ANKUB1: variants seen among roughly 807,000 people sequenced by gnomAD.
ANKUB1 encodes the protein ankyrin repeat and ubiquitin domain containing 1.
ANKUB1 carries 42 observed loss-of-function variants against 49.3 expected under a neutral mutation model. The observed-to-expected ratio is 0.85, with a 90% CI of 0.67 to 1.10. The LOEUF is 1.10. Among genes scored for constraint, ANKUB1 ranks in the 50% least tolerant of loss-of-function variants. ANKUB1 has a pLI of 0.00. For missense variants in ANKUB1, 613 were observed against 642.0 expected, an observed-to-expected ratio of 0.95 and a Z score of 0.49; for synonymous variants, 222 against 231.0, an observed-to-expected ratio of 0.96 and a Z score of 0.35.
rs1373469267 is a variant in ANKUB1 at position 149,770,582 on chromosome 3, A to T, written c.544T>A (p.Ser182Thr). The stretch of plus-strand genomic sequence containing the variant: ...TACTTGAGTACTGGTCCTTCTTTTG[A>T]TAAGTAGCGTTGGACTTTAAGTTTT... ...GQKLKVQRYL[S>T]KEGPVLKYQK... The change falls in exon 4 of 6, where the codon TCA becomes ACA. Residue 182 changes from serine (S) to threonine (T), a missense_variant. Ser to Thr is a moderately conservative substitution (Grantham distance 58). Coordinates refer to ENST00000446160, the MANE Select transcript of ANKUB1 (RefSeq NM_001144960.3). 6.5e-7 allele frequency: 1 copy of T among 1,548,862 alleles called. No individual in the cohort carries two copies. Among genetic ancestry groups the T allele is most frequent in the East Asian group, 2.4e-5 (1 of 40,878 alleles).
rs568944479 is a variant in ANKUB1 at position 149,787,713 on chromosome 3, G to A, written c.234+3068C>T. 4.7e-4 allele frequency among the ~76,000 whole-genome samples: 72 copies of A among 152,094 alleles called. 1 individual carries two copies. The South Asian group carries it at 5.4e-3, about 11-fold the overall frequency. On this transcript the variant is annotated intron_variant, in intron 2 of 5. Transcript: ENST00000446160. Reference sequence around the variant, plus strand: ...TCTATATTACCATTAAAAGAAAAGCGTAATATACAGGGAAGCTGGAAAAAG... The same window carrying A: ...TCTATATTACCATTAAAAGAAAAGCATAATATACAGGGAAGCTGGAAAAAG...
chr3:149,766,820 C>T lies in ANKUB1; in HGVS notation c.1505+337G>A, dbSNP rs1185279773. ...CTCAAACAAAAAGAAAAAAGAAAAG[C>T]AGCAGCAGCAGCAGCAGCAGCAGCA... On this transcript the variant is annotated intron_variant, in intron 5 of 5. Coordinates refer to ENST00000446160, the MANE Select transcript of ANKUB1 (RefSeq NM_001144960.3). 1.5e-5 allele frequency: 6 copies of T among 409,900 alleles called. 1 individual carries two copies. The highest frequency in any genetic ancestry group is 2.1e-5 in the Non-Finnish European group (6 of 292,068). The allele number at this position is 409,900 out of a possible 1,614,324, so 25.4% of individuals were successfully genotyped here. A position where few individuals can be genotyped will look rare whatever the true frequency, so the allele number is the denominator to read the frequency against.
rs1324142611 is a variant in ANKUB1 at position 149,792,310 on chromosome 3, A to C, written c.57T>G (p.Asp19Glu). ...GSFEPFDVSA[D>E]ETVEVVKLMI... ...TCAGCTTGACAACCTCCACAGTTTCATCTGCTGAAACATCAAACGGTTCAA... is the reference window on the plus strand; with the variant it reads ...TCAGCTTGACAACCTCCACAGTTTCCTCTGCTGAAACATCAAACGGTTCAA... The change falls in exon 1 of 6, where the codon GAT becomes GAG. Residue 19 changes from aspartate (D) to glutamate (E), a missense_variant. Transcript: ENST00000446160. 6.5e-7 allele frequency: 1 copy of C among 1,534,336 alleles called. No individual in the cohort carries two copies. Among genetic ancestry groups the C allele is most frequent in the Admixed American group, 2.1e-5 (1 of 48,762 alleles).
intron 1 of ANKUB1, among the ~76,000 whole-genome samples, chr3:149,791,729 G>A (rs1718368314): frequency 1.3e-5 from 2 of 152,132 alleles, no homozygotes; most frequent in Admixed American, 1.3e-4. Flanking sequence ...AATTTATAAG[G>A]AAGATACTAT....
In ANKUB1 at chr3:149,792,344, T is replaced by C. The variant is rs1256811398; in HGVS notation, c.23A>G (p.Glu8Gly). The change falls in exon 1 of 6, where the codon GAA (glutamate) becomes GGA (glycine). Residue 8 changes from glutamate to glycine, a missense_variant. Glu to Gly is a moderately conservative substitution (Grantham distance 98). Transcript: ENST00000446160. ...AACATCAAACGGTTCAAAAGATCCT[T>C]CAAAGGCGATGAAAATCCTCATTGT... MRIFIAF[E>G]GSFEPFDVSA... is the part of the protein sequence containing the mutation. 5.3e-6 allele frequency: 8 copies of C among 1,519,032 alleles called. No individual in the cohort carries two copies. The highest frequency in any genetic ancestry group is 7.1e-6 in the Non-Finnish European group (8 of 1,130,106). The allele number at this position is 1,519,032 out of a possible 1,614,324, so 94.1% of individuals were successfully genotyped here. A position where few individuals can be genotyped will look rare whatever the true frequency, so the allele number is the denominator to read the frequency against.
chr3:149,772,511 T>A (rs912832496), intron 3 of ANKUB1, among the ~76,000 whole-genome samples: 1 of 152,248 alleles, frequency 6.6e-6, no homozygotes, highest in Admixed American at 6.5e-5. Context: ...TATTCAGGTC[T>A]CTGCTCAATG....
At chr3:149,787,385 T>C (rs1718154608) in intron 2 of ANKUB1, among the ~76,000 whole-genome samples, 1 of 152,228 alleles carries the variant, frequency 6.6e-6, no homozygotes, top group Non-Finnish European at 1.5e-5. Flanking sequence ...GTTATAGGTG[T>C]ATAGGAATAC....
intron 2 of ANKUB1, among the ~76,000 whole-genome samples, chr3:149,786,412 AC>A (rs1293222503): frequency 1.3e-5 from 2 of 152,118 alleles, no homozygotes; most frequent in Non-Finnish European, 2.9e-5. Context: ...TCCTTTGCCC[AC>A]TTTTTGATGG....
intron 1 of ANKUB1, among the ~76,000 whole-genome samples, chr3:149,791,522 T>A (rs906870638): frequency 6.6e-5 from 10 of 152,182 alleles, no homozygotes. Flanking sequence ...AAGGGGTTAA[T>A]AAAACATAGA....
At chr3:149,763,981 C>T (rs1030168808) in intron 5 of ANKUB1, 3 of 456,162 alleles carry the variant, frequency 6.6e-6, no homozygotes, top group African/African-American at 6.0e-5. Flanking sequence ...CTTTGGGAGA[C>T]TCCCCTTTCT....
At position 149,785,800 on chromosome 3, in the gene ANKUB1, G is replaced by C. The variant is rs555691706; in HGVS notation, c.234+4981C>G. Among the ~76,000 whole-genome samples the C allele has an allele frequency of 8.6e-4, 131 of 151,718 alleles. 2 individuals carry two copies. Among genetic ancestry groups the C allele is most frequent in the Non-Finnish European group, 1.1e-3 (73 of 68,018 alleles). ...CAGTAAAGAGATGGCTGGGTCAAAT[G>C]GTATTTCCAGTTCTAGATCCTTGAG... On this transcript the variant is annotated intron_variant, in intron 2 of 5. Transcript: ENST00000446160.
At chr3:149,772,043 T>TG (rs1717388945) in intron 3 of ANKUB1, among the ~76,000 whole-genome samples, 1 of 149,540 alleles carries the variant, frequency 6.7e-6, no homozygotes. Flanking sequence ...TTTTTTTTTT[T>TG]AGACGGAGTC....
At chr3:149,766,900 T>A in intron 5 of ANKUB1, 1 of 1,136,014 alleles carries the variant, frequency 8.8e-7, no homozygotes. Flanking sequence ...TGAGAATTGA[T>A]ACAATTCTTT....
At chr3:149,786,669 C>T (rs889482948) in intron 2 of ANKUB1, among the ~76,000 whole-genome samples, 31 of 152,036 alleles carry the variant, frequency 2.0e-4, no homozygotes, top group Non-Finnish European at 2.9e-4. Context: ...GCCTATGTCC[C>T]GAATGGTATT....
In ANKUB1 at chr3:149,789,101, G is replaced by C. The variant is rs149093344; in HGVS notation, c.234+1680C>G. Among the ~76,000 whole-genome samples, 567 of 151,998 alleles carry C rather than the reference G, an allele frequency of 3.7e-3. 2 individuals are homozygous for C. The highest frequency in any genetic ancestry group is 0.013 in the African/African-American group (541 of 41,474). The stretch of plus-strand genomic sequence containing the variant: ...GATACTTTTTACTGTGTATCTTTTT[G>C]TTCCTTTTGAATTGAGAACCATGTG... On this transcript the variant is annotated intron_variant, in intron 2 of 5. Transcript: ENST00000446160.
intron 2 of ANKUB1, among the ~76,000 whole-genome samples, chr3:149,789,624 A>C (rs987705378): frequency 7.2e-6 from 1 of 139,834 alleles, no homozygotes; most frequent in Non-Finnish European, 1.5e-5. Flanking sequence ...AATATTGAAG[A>C]ATATTCTTTT....
In ANKUB1 at chr3:149,767,894, C is replaced by T. The variant is rs755973688; in HGVS notation, c.768G>A (p.Leu256=). The T allele has an allele frequency of 4.5e-6, 7 of 1,551,516 alleles. No individual in the cohort carries two copies. The highest frequency in any genetic ancestry group is 1.4e-5 in the African/African-American group (1 of 73,168). Residue 256 remains leucine (L), a synonymous_variant, in exon 5 of 6, where the codon CTG becomes CTA. Transcript: ENST00000446160. ...AAAEAGQLLI[L]KAFVNYSVLC... is the part of the protein sequence containing the mutation. Reference sequence around the variant, plus strand: ...GCACACTGTAGTTGACAAAGGCCTTCAGAATCAACAGTTGGCCTGCTTCTG... The same window carrying T: ...GCACACTGTAGTTGACAAAGGCCTTTAGAATCAACAGTTGGCCTGCTTCTG...
intron 2 of ANKUB1, chr3:149,783,065 C>T (rs1490166779): frequency 1.3e-5 from 2 of 152,062 alleles, no homozygotes; most frequent in Non-Finnish European, 2.9e-5. Context: ...TCTCATTGCA[C>T]TTTTTAACTC....
At chr3:149,770,785 T>A (rs1445469076) in intron 3 of ANKUB1, 111 bp from the exon 4 acceptor site, 2 of 643,454 alleles carry the variant, frequency 3.1e-6, no homozygotes, top group East Asian at 5.9e-5. Flanking sequence ...AGATGCAAAA[T>A]GAAAAATAAC....
Sources: allele counts gnomAD v4.1 joint callset (sites outside exome capture counted in the v4.1 genomes callset), GRCh38; gene constraint gnomAD v4.1.1; transcripts MANE v1.5; gene names NCBI Gene and HGNC (gene_info 2026-07-23, HGNC 2026-07-21).